The following ING3 variants were observed in gnomAD, a reference collection of about 807,000 sequenced individuals.
ING3 encodes the protein inhibitor of growth protein 3.
ING3 carries 6 observed loss-of-function variants against 64.8 expected under a neutral mutation model. The ratio of observed to expected loss-of-function variants is 0.09; its 90% confidence interval spans 0.05 to 0.18. The LOEUF (loss-of-function observed/expected upper bound fraction) is 0.18, where lower values mean the gene tolerates loss of function less well. ING3 is among the 10% of genes least tolerant of loss of function. ING3 has a pLI of 1.00. For missense variants in ING3, 310 were observed against 489.7 expected (o/e 0.63, Z 3.46); for synonymous variants, 170 against 173.7 (o/e 0.98, Z 0.17).
At chr7:120,967,796 A>G (rs956716508) in intron 7 of ING3, 138 bp from the exon 8 acceptor site, 1 of 1,236,742 alleles carries the variant, frequency 8.1e-7, no homozygotes, top group South Asian at 1.5e-5. Flanking sequence ...AACCAAATAC[A>G]TTATTCAGTT....
intron 4 of ING3, among the ~76,000 whole-genome samples, chr7:120,959,605 C>T (rs1051738085): frequency 6.7e-6 from 1 of 150,134 alleles, no homozygotes; most frequent in African/African-American, 2.5e-5. Context: ...TGAAAGTCAC[C>T]CTATACTCCT....
Position 120,969,122 on chromosome 7 carries a change from T to G in ING3, c.826T>G (p.Ser276Ala). 1.9e-6 allele frequency: 3 copies of G among 1,614,160 alleles called. No homozygotes were observed. The highest frequency in any genetic ancestry group is 1.7e-6 in the Non-Finnish European group (2 of 1,180,002). Residue 276 changes from serine to alanine, a missense_variant, in exon 9 of 12, where the codon TCA becomes GCA. Coordinates refer to ENST00000315870, the MANE Select transcript of ING3 (RefSeq NM_019071.3). The part of the protein sequence containing the change: ...FSMARETVGY[S>A]SSSALMTTLT... ...AATGGCCAGGGAAACAGTTGGCTATTCATCATCTTCGGCACTTATGACAAC... is the reference window on the plus strand; with the variant it reads ...AATGGCCAGGGAAACAGTTGGCTATGCATCATCTTCGGCACTTATGACAAC...
At chr7:120,954,761 T>A (rs1584987253) in intron 3 of ING3, among the ~76,000 whole-genome samples, 1 of 152,086 alleles carries the variant, frequency 6.6e-6, no homozygotes, top group Non-Finnish European at 1.5e-5. Context: ...TAAAAAAAAA[T>A]TTAATAAGTT....
chr7:120,963,646 A>G (rs1458775859), intron 4 of ING3, among the ~76,000 whole-genome samples: 1 of 152,148 alleles, frequency 6.6e-6, no homozygotes, highest in African/African-American at 2.4e-5. Flanking sequence ...ACTTCAAAAG[A>G]TCAGATCGAG....
intron 4 of ING3, among the ~76,000 whole-genome samples, chr7:120,957,413 T>G (rs1795866224): frequency 6.6e-6 from 1 of 151,540 alleles, no homozygotes; most frequent in South Asian, 2.1e-4. Context: ...GCTCTTGTCC[T>G]CAAGGTGTCT....
rs1796127104 is a variant in ING3 at position 120,975,727 on chromosome 7, T to C, written c.*883T>C. On this transcript the variant is annotated 3_prime_UTR_variant, in exon 12 of 12. Transcript: ENST00000315870. ...TCCAATTAACTTTCAACTTTCATAA[T>C]CTAAAAAGAATCAGAGACCCAGGAC... 6.6e-6 allele frequency: 1 copy of C among 152,158 alleles called. No individual in the cohort carries two copies. The highest frequency in any genetic ancestry group is 2.4e-5 in the African/African-American group (1 of 41,434). The allele number at this position is 152,158 out of a possible 1,614,324, so 9.4% of individuals were successfully genotyped here.
Position 120,973,379 on chromosome 7 carries a change from A to G in ING3, c.1140+136A>G, listed in dbSNP as rs184364944. ...ATATTAGTTATATTATGCTAATGCT[A>G]GAATATTCCTCTTCAAAATAGGGTA... On this transcript the variant is annotated intron_variant, in intron 11 of 11. Transcript: ENST00000315870. 119 of 587,514 alleles carry G rather than the reference A, an allele frequency of 2.0e-4. No homozygotes were observed. In the African/African-American group the frequency reaches 2.1e-3, roughly 10 times the overall value. The allele number at this position is 587,514 out of a possible 1,614,324, so 36.4% of individuals were successfully genotyped here.
chr7:120,956,030 G>C, intron 4 of ING3: 2 of 695,342 alleles, frequency 2.9e-6, no homozygotes, highest in Non-Finnish European at 5.1e-6. Flanking sequence ...TTGGTAGTCT[G>C]ATTAAAATGA....
At chr7:120,973,318 C>T in intron 11 of ING3, 75 bp downstream of exon 11, 2 of 1,000,028 alleles carry the variant, frequency 2.0e-6, no homozygotes, top group South Asian at 2.7e-5. Flanking sequence ...GTCTTATTTG[C>T]TGTATGGTTT....
chr7:120,968,139 C>A, intron 8 of ING3, 48 bp downstream of exon 8: 2 of 1,505,192 alleles, frequency 1.3e-6, no homozygotes, highest in East Asian at 2.3e-5. Context: ...TTGTCGGAAT[C>A]ATTGGAAACC....
At chr7:120,953,173 A>G (rs1795792800) in intron 2 of ING3, 131 bp from the exon 3 acceptor site, 1 of 528,346 alleles carries the variant, frequency 1.9e-6, no homozygotes, top group Non-Finnish European at 3.4e-6. Context: ...CAATCAAAGC[A>G]TAACATATTT....
intron 4 of ING3, chr7:120,956,501 A>G: frequency 3.8e-6 from 4 of 1,066,558 alleles, no homozygotes; most frequent in Non-Finnish European, 3.4e-6. Context: ...CTTATACCAC[A>G]AACTTGAAAA....
At chr7:120,956,602 A>G in intron 4 of ING3, 1 of 988,644 alleles carries the variant, frequency 1.0e-6, no homozygotes, top group Non-Finnish European at 1.2e-6. Flanking sequence ...TTTTGTTCAT[A>G]GAGTTATTCT....
At chr7:120,955,045 A>T (rs1795825079) in intron 3 of ING3, among the ~76,000 whole-genome samples, 1 of 152,196 alleles carries the variant, frequency 6.6e-6, no homozygotes. Context: ...GAAATTCTGA[A>T]CATCTCCCTT....
intron 11 of ING3, among the ~76,000 whole-genome samples, chr7:120,973,688 G>C (rs191641212): frequency 2.6e-5 from 4 of 152,168 alleles, no homozygotes; most frequent in Admixed American, 2.0e-4. Flanking sequence ...ATTTTTTCCT[G>C]TACTCTGCAG....
chr7:120,970,464 C>CAAA (rs1256846502), intron 9 of ING3, among the ~76,000 whole-genome samples: 1 of 89,890 alleles, frequency 1.1e-5, no homozygotes, highest in Non-Finnish European at 2.3e-5. Context: ...GACTCCATCT[C>CAAA]AAAAAAAAAA....
chr7:120,967,749 G>T (rs1298699470), intron 7 of ING3, 101 bp downstream of exon 7: 2 of 1,331,646 alleles, frequency 1.5e-6, no homozygotes, highest in Non-Finnish European at 2.1e-6. Flanking sequence ...TTCTTTACCT[G>T]GTTAAAGTAT....
At chr7:120,972,625 A>G (rs980162840) in intron 10 of ING3, among the ~76,000 whole-genome samples, 56 of 152,290 alleles carry the variant, frequency 3.7e-4, no homozygotes, top group Admixed American at 2.5e-3. Flanking sequence ...GCATAGGACC[A>G]TGTAAATATA....
chr7:120,955,923 TGTC>T, intron 4 of ING3: 1 of 573,146 alleles, frequency 1.7e-6, no homozygotes, highest in Non-Finnish European at 3.1e-6. Context: ...TACTAATCCT[TGTC>T]TTCTTAAGGT....
Sources: gnomAD v4.1 joint callset for allele counts (sites outside exome capture counted in the v4.1 genomes callset) on GRCh38, gnomAD v4.1.1 for gene constraint, MANE v1.5 for transcripts, NCBI Gene and HGNC (gene_info 2026-07-23, HGNC 2026-07-21) for gene names.